Variants in SLK observed in about 807,000 individuals in gnomAD.
The protein encoded by SLK is STE20-like serine/threonine-protein kinase.
A neutral mutation model predicts 147.7 loss-of-function variants in SLK; 67 were observed. The ratio of observed to expected loss-of-function variants is 0.45; its 90% CI spans 0.37 to 0.56. The LOEUF (loss-of-function observed/expected upper bound fraction) is 0.56. Ranked by LOEUF, SLK falls within the 20% of genes least tolerant of loss-of-function variation. The pLI, the probability that SLK is intolerant of heterozygous loss-of-function variation, is 0.00. For missense variants in SLK, 1,136 were observed against 1,438.8 expected (o/e 0.79, Z 3.41); for synonymous variants, 441 against 475.0 (o/e 0.93, Z 0.93).
chr10:104,016,737 C>T (rs1844470464), intron 13 of SLK, among the ~76,000 whole-genome samples: 1 of 151,786 alleles, frequency 6.6e-6, no homozygotes, highest in Non-Finnish European at 1.5e-5. Flanking sequence ...AGGATGGTAG[C>T]AAGCCAACCA....
intron 1 of SLK, among the ~76,000 whole-genome samples, chr10:103,980,162 A>G (rs1346602603): frequency 6.6e-6 from 1 of 152,210 alleles, no homozygotes; most frequent in African/African-American, 2.4e-5. Flanking sequence ...GTCCGTACGC[A>G]CATAGTATAT....
chr10:104,014,534 A>G (rs936895716), intron 13 of SLK, among the ~76,000 whole-genome samples: 12 of 152,214 alleles, frequency 7.9e-5, no homozygotes, highest in African/African-American at 2.4e-4. Context: ...TTGACTTTTT[A>G]CTGTTTTCTA....
At position 104,020,593 on chromosome 10, in the gene SLK, C is replaced by G. The variant is rs775081236; in HGVS notation, c.3427C>G (p.Arg1143Gly). 8 of 1,613,082 alleles carry G rather than the reference C, an allele frequency of 5.0e-6. No individual in the cohort carries two copies. The highest frequency in any genetic ancestry group is 6.8e-6 in the Non-Finnish European group (8 of 1,179,664). ...DLQLQCEANV[R>G]ELHQLQNEKC... ...TCAGTTGCAGTGTGAAGCCAATGTCCGCGAACTGCATCAGCTGCAGGTCAG... is the reference window on the plus strand; with the variant it reads ...TCAGTTGCAGTGTGAAGCCAATGTCGGCGAACTGCATCAGCTGCAGGTCAG... Residue 1143 changes from arginine (R) to glycine (G), a missense_variant, in exon 17 of 19, where the codon CGC (arginine) becomes GGC (glycine). This residue lies in a region of SLK where 327 missense variants were observed against 457.5 expected (regional missense o/e 0.71). Coordinates refer to ENST00000369755, the MANE Select transcript of SLK (RefSeq NM_014720.4).
intron 4 of SLK, among the ~76,000 whole-genome samples, chr10:103,995,936 A>G (rs973990373): frequency 2.0e-5 from 3 of 152,206 alleles, no homozygotes; most frequent in African/African-American, 7.2e-5. Flanking sequence ...TCTGTAATAA[A>G]TGTGCATCTC....
intron 3 of SLK, 53 bp downstream of exon 3, chr10:103,992,699 T>A: frequency 6.8e-7 from 1 of 1,479,294 alleles, no homozygotes; most frequent in Non-Finnish European, 9.2e-7. Context: ...CTTGATAAGA[T>A]GAAAGAATTT....
rs1844592407 is a variant in SLK, at chr10:104,025,897, G to A, written c.*177G>A. The A allele has an allele frequency of 5.6e-6, 3 of 535,292 alleles. No individual in the cohort carries two copies. The highest frequency in any genetic ancestry group is 7.0e-5 in the South Asian group (2 of 28,654). 33.2% of individuals were successfully genotyped at this position (535,292 alleles called of 1,614,324 possible). ...TTTTAAGCAAAGATGAAGGGAAAAC[G>A]AACTAAGACAGACGCTAGGCCATGT... On this transcript the variant is annotated 3_prime_UTR_variant, in exon 19 of 19. Coordinates refer to ENST00000369755, the MANE Select transcript of SLK (RefSeq NM_014720.4).
chr10:104,020,387 C>T (rs892508351), intron 16 of SLK, 101 bp from the exon 17 acceptor site: 3 of 1,119,012 alleles, frequency 2.7e-6, no homozygotes, highest in African/African-American at 1.6e-5. Context: ...CTTGTAGCTT[C>T]AGTTTATTGT....
intron 4 of SLK, among the ~76,000 whole-genome samples, chr10:103,995,776 A>T (rs529317837): frequency 6.6e-6 from 1 of 152,076 alleles, no homozygotes; most frequent in Non-Finnish European, 1.5e-5. Flanking sequence ...AGAATATAGT[A>T]TTTCAAGACC....
intron 9 of SLK, among the ~76,000 whole-genome samples, chr10:104,005,118 G>GT (rs547950242): frequency 9.3e-5 from 14 of 150,992 alleles, no homozygotes; most frequent in Admixed American, 4.0e-4. Context: ...TGTCAATTTA[G>GT]TTTTTTTTTA....
rs763670676 is a variant in SLK at position 104,002,740 on chromosome 10, G to A, written c.1562G>A (p.Gly521Glu). The A allele has an allele frequency of 2.3e-5, 37 of 1,613,660 alleles. No homozygotes were observed. Among genetic ancestry groups the A allele is most frequent in the Non-Finnish European group, 3.1e-5 (36 of 1,180,014 alleles). Residue 521 changes from glycine (G) to glutamate (E), a missense_variant, in exon 9 of 19, where the codon GGG becomes GAG. By Grantham distance (98) the Gly-to-Glu change is moderately conservative. Around this residue, in one of 6 missense-constraint regions of SLK, gnomAD observed 516 missense variants for 531.3 expected, o/e 0.97. Coordinates refer to ENST00000369755, the MANE Select transcript of SLK (RefSeq NM_014720.4). ...ANIQAVDSEV[G>E]LTKEDTQEKL... is the part of the protein sequence containing the mutation. ...ATTCAGGCAGTTGATAGTGAAGTTG[G>A]GCTTACAAAGGAAGACACCCAAGAG...
Position 104,017,066 on chromosome 10 carries a change from CAGAA to C in SLK, c.2878-1090_2878-1087del, listed in dbSNP as rs1193749066. ...TTCTTCTGTAAATGTATGATTCTAG[CAGAA>C]AGACCATAAGTCACTTTAACATTTC... On this transcript the variant is annotated intron_variant, in intron 13 of 18. Coordinates refer to ENST00000369755, the MANE Select transcript of SLK (RefSeq NM_014720.4). Among the ~76,000 whole-genome samples, 10 of 152,270 alleles carry C rather than the reference CAGAA, an allele frequency of 6.6e-5. No individual in the cohort carries two copies. The South Asian group carries it at 1.5e-3, about 22-fold the overall frequency.
chr10:103,968,087 C>T (rs1843743227), intron 1 of SLK, among the ~76,000 whole-genome samples, 192 bp downstream of exon 1: 1 of 152,096 alleles, frequency 6.6e-6, no homozygotes, highest in Non-Finnish European at 1.5e-5. Context: ...AAAATGGGGC[C>T]TGGATGGAGT....
intron 12 of SLK, among the ~76,000 whole-genome samples, chr10:104,008,757 G>A (rs1195256503): frequency 6.6e-6 from 1 of 152,152 alleles, no homozygotes. Flanking sequence ...AACTTACTAT[G>A]TTGTGTTTGC....
chr10:104,002,755 A>G lies in SLK; in HGVS notation c.1577A>G (p.Asp526Gly), dbSNP rs1463627077. Residue 526 changes from aspartate to glycine, a missense_variant, in exon 9 of 19, where the codon GAC (aspartate) becomes GGC (glycine). Asp to Gly is a moderately conservative substitution (Grantham distance 94, BLOSUM62 -1). Transcript: ENST00000369755. ...AGTGAAGTTGGGCTTACAAAGGAAGACACCCAAGAGAAATTGGGGGAAGAC... is the reference window on the plus strand; with the variant it reads ...AGTGAAGTTGGGCTTACAAAGGAAGGCACCCAAGAGAAATTGGGGGAAGAC... ...VDSEVGLTKE[D>G]TQEKLGEDDK... 6.2e-7 allele frequency: 1 copy of G among 1,613,908 alleles called. No individual in the cohort carries two copies.
chr10:103,976,893 A>G (rs1048421014), intron 1 of SLK, among the ~76,000 whole-genome samples: 1 of 152,232 alleles, frequency 6.6e-6, no homozygotes, highest in African/African-American at 2.4e-5. Flanking sequence ...CACTTAGCAC[A>G]GGGTTTCTCA....
At chr10:103,992,572 GC>G in intron 2 of SLK, 25 bp from the exon 3 acceptor site, 2 of 1,126,802 alleles carry the variant, frequency 1.8e-6, no homozygotes, top group South Asian at 1.7e-5. Flanking sequence ...TTAGACACAC[GC>G]TTTTTTTTTT....
chr10:103,991,672 A>ATT, intron 2 of SLK, among the ~76,000 whole-genome samples: 1 of 152,232 alleles, frequency 6.6e-6, no homozygotes, highest in African/African-American at 2.4e-5. Flanking sequence ...TTTCTGAATA[A>ATT]TGTAATGAAT....
intron 11 of SLK, 92 bp from the exon 12 acceptor site, chr10:104,008,085 T>C: frequency 1.1e-6 from 1 of 911,286 alleles, no homozygotes; most frequent in South Asian, 1.9e-5. Flanking sequence ...TAAATTTAAA[T>C]ACTAGTTATG....
intron 8 of SLK, among the ~76,000 whole-genome samples, 198 bp from the exon 9 acceptor site, chr10:104,001,974 C>G (rs190400090): frequency 3.5e-4 from 53 of 152,284 alleles, no homozygotes; most frequent in African/African-American, 1.2e-3. Context: ...CCTCGGTCTC[C>G]CAAAGTGCTG....
Sources: allele counts gnomAD v4.1 joint callset (sites outside exome capture counted in the v4.1 genomes callset), GRCh38; gene constraint gnomAD v4.1.1; regional missense constraint gnomAD v4.1.1; transcripts MANE v1.5; gene names NCBI Gene and HGNC (gene_info 2026-07-23, HGNC 2026-07-21).